The following KCTD8 variants were observed in gnomAD, a reference collection of about 807,000 sequenced individuals.
KCTD8 encodes BTB/POZ domain-containing protein KCTD8.
KCTD8 carries 27 observed loss-of-function variants against 31.5 expected under a neutral mutation model. The observed-to-expected ratio is 0.86, with a 90% CI of 0.63 to 1.18. The LOEUF (loss-of-function observed/expected upper bound fraction) is 1.18. Ranked by LOEUF, KCTD8 falls within the 50% of genes most tolerant of loss-of-function variation. KCTD8 has a pLI of 0.00. For missense variants in KCTD8, 658 were observed against 647.7 expected (o/e 1.02, Z -0.17); for synonymous variants, 290 against 280.0 (o/e 1.04, Z -0.36).
At chr4:44,424,905 G>A (rs551844166) in intron 1 of KCTD8, among the ~76,000 whole-genome samples, 1 of 152,062 alleles carries the variant, frequency 6.6e-6, no homozygotes, top group East Asian at 1.9e-4. Context: ...AATCCTCGGT[G>A]ACTCCAAATG....
chr4:44,361,725 G>T (rs1321790305), intron 1 of KCTD8, among the ~76,000 whole-genome samples: 1 of 152,042 alleles, frequency 6.6e-6, no homozygotes, highest in East Asian at 1.9e-4. Flanking sequence ...ATCTCTATGA[G>T]AGGTAATCTT....
chr4:44,396,825 G>A (rs975206785), intron 1 of KCTD8, among the ~76,000 whole-genome samples: 1 of 152,106 alleles, frequency 6.6e-6, no homozygotes, highest in African/African-American at 2.4e-5. Flanking sequence ...GGAGGTTTAA[G>A]AGAGCTTCTA....
intron 1 of KCTD8, among the ~76,000 whole-genome samples, chr4:44,273,656 T>C (rs994458311): frequency 6.6e-6 from 1 of 151,994 alleles, no homozygotes; most frequent in Non-Finnish European, 1.5e-5. Context: ...TTTTTCCCAC[T>C]GACAATTGGA....
rs1713140395 is a variant in KCTD8, at chr4:44,174,547, A to C, written c.*243T>G. The C allele has an allele frequency of 5.3e-6, 2 of 380,382 alleles. No individual in the cohort carries two copies. The highest frequency in any genetic ancestry group is 4.2e-5 in the African/African-American group (2 of 48,076). 23.6% of individuals were successfully genotyped at this position (380,382 alleles called of 1,614,324 possible). The stretch of plus-strand genomic sequence containing the variant: ...GCACATTTTACTTTCATTCTTGTAA[A>C]ATGGTTTGAATCAGATATTCCATTT... On this transcript the variant is annotated 3_prime_UTR_variant, in exon 2 of 2. Transcript: ENST00000360029.
At position 44,218,948 on chromosome 4, in the gene KCTD8, T is replaced by C. The variant is rs531153985; in HGVS notation, c.962-43698A>G. Among the ~76,000 whole-genome samples, 3 of 152,322 alleles carry C rather than the reference T, an allele frequency of 2.0e-5. No individual in the cohort carries two copies. In the South Asian group the frequency reaches 6.2e-4, roughly 32 times the overall value. ...TCTTAGACAAGCAGTTTCATTCTTTTCTACTCAAAGCACATTGTTCACATG... is the reference window on the plus strand; with the variant it reads ...TCTTAGACAAGCAGTTTCATTCTTTCCTACTCAAAGCACATTGTTCACATG... On this transcript the variant is annotated intron_variant, in intron 1 of 1. Coordinates refer to ENST00000360029, the MANE Select transcript of KCTD8 (RefSeq NM_198353.3).
At chr4:44,182,167 G>T (rs1477842664) in intron 1 of KCTD8, among the ~76,000 whole-genome samples, 6 of 150,860 alleles carry the variant, frequency 4.0e-5, no homozygotes, top group Non-Finnish European at 8.9e-5. Context: ...CGAGAGGGAG[G>T]TGGGGGGGCG....
chr4:44,371,432 G>A (rs1020028122), intron 1 of KCTD8, among the ~76,000 whole-genome samples: 1 of 152,250 alleles, frequency 6.6e-6, no homozygotes, highest in Non-Finnish European at 1.5e-5. Flanking sequence ...TTATCTATTG[G>A]CTTTCGTATC....
At chr4:44,257,194 C>T (rs886785079) in intron 1 of KCTD8, among the ~76,000 whole-genome samples, 3 of 151,696 alleles carry the variant, frequency 2.0e-5, no homozygotes, top group Non-Finnish European at 4.4e-5. Flanking sequence ...TTGTGAAAAT[C>T]CATCAGTTTA....
chr4:44,174,562 A>G lies in KCTD8; in HGVS notation c.*228T>C, dbSNP rs1032387237. ...ATTCTTGTAAAATGGTTTGAATCAG[A>G]TATTCCATTTTGATTTAACACTTAT... On this transcript the variant is annotated 3_prime_UTR_variant, in exon 2 of 2. Coordinates refer to ENST00000360029, the MANE Select transcript of KCTD8 (RefSeq NM_198353.3). 1.7e-5 allele frequency: 7 copies of G among 423,672 alleles called. No individual in the cohort carries two copies. Among genetic ancestry groups the G allele is most frequent in the Non-Finnish European group, 2.5e-5 (6 of 241,188 alleles). 26.2% of individuals were successfully genotyped at this position (423,672 alleles called of 1,614,324 possible).
chr4:44,335,071 G>A (rs1287107861), intron 1 of KCTD8, among the ~76,000 whole-genome samples: 7 of 152,046 alleles, frequency 4.6e-5, no homozygotes, highest in African/African-American at 1.2e-4. Flanking sequence ...CTGGCAAAAC[G>A]TTTTTTAAAT....
intron 1 of KCTD8, among the ~76,000 whole-genome samples, chr4:44,241,601 A>C (rs971355517): frequency 6.6e-6 from 1 of 152,368 alleles, no homozygotes; most frequent in East Asian, 1.9e-4. Flanking sequence ...CAGGATACAA[A>C]GATGAATACT....
intron 1 of KCTD8, among the ~76,000 whole-genome samples, chr4:44,187,273 T>C (rs554215632): frequency 7.9e-5 from 12 of 152,358 alleles, no homozygotes; most frequent in African/African-American, 2.2e-4. Flanking sequence ...ATATTAGGTG[T>C]TCATTTGTCC....
At chr4:44,324,112 C>T (rs1286650205) in intron 1 of KCTD8, among the ~76,000 whole-genome samples, 1 of 149,256 alleles carries the variant, frequency 6.7e-6, no homozygotes, top group Non-Finnish European at 1.5e-5. Flanking sequence ...ACAAGAAAGT[C>T]CAGAGAGTAC....
At chr4:44,332,751 A>G (rs1718622928) in intron 1 of KCTD8, among the ~76,000 whole-genome samples, 1 of 152,000 alleles carries the variant, frequency 6.6e-6, no homozygotes, top group Non-Finnish European at 1.5e-5. Flanking sequence ...AATCCATCAT[A>G]CAAATTCCAT....
chr4:44,339,713 A>G (rs1043783733), intron 1 of KCTD8, among the ~76,000 whole-genome samples: 1 of 152,196 alleles, frequency 6.6e-6, no homozygotes, highest in African/African-American at 2.4e-5. Context: ...TTAAAATGCT[A>G]CAAAAAAAAT....
intron 1 of KCTD8, among the ~76,000 whole-genome samples, chr4:44,271,858 C>G (rs972854693): frequency 1.3e-5 from 2 of 152,026 alleles, no homozygotes; most frequent in African/African-American, 2.4e-5. Flanking sequence ...GTTTGGGGCT[C>G]TCAGCTCTGA....
At chr4:44,423,631 T>A (rs1176140361) in intron 1 of KCTD8, among the ~76,000 whole-genome samples, 1 of 151,984 alleles carries the variant, frequency 6.6e-6, no homozygotes, top group Non-Finnish European at 1.5e-5. Flanking sequence ...TAAAGACAAA[T>A]GGAGGGTGGA....
chr4:44,371,323 A>C (rs1046484637), intron 1 of KCTD8, among the ~76,000 whole-genome samples: 3 of 152,198 alleles, frequency 2.0e-5, no homozygotes, highest in Non-Finnish European at 4.4e-5. Context: ...TTTATCAACT[A>C]TCAGGGTATC....
At chr4:44,246,568 C>T (rs1577573345) in intron 1 of KCTD8, among the ~76,000 whole-genome samples, 1 of 152,040 alleles carries the variant, frequency 6.6e-6, no homozygotes, top group East Asian at 1.9e-4. Flanking sequence ...AAATTAAAAA[C>T]TTTTCTTTGG....
Sources: gnomAD v4.1 joint callset for allele counts (sites outside exome capture counted in the v4.1 genomes callset) on GRCh38, gnomAD v4.1.1 for gene constraint, MANE v1.5 for transcripts, NCBI Gene and HGNC (gene_info 2026-07-23, HGNC 2026-07-21) for gene names.